RELB: variants seen among roughly 807,000 people sequenced by gnomAD.
RELB encodes transcription factor RelB.
Under a neutral mutation model 55.4 loss-of-function variants are expected in RELB, and 14 were observed. The observed-to-expected ratio is 0.25, with a 90% CI of 0.17 to 0.40. The LOEUF is 0.40. RELB is among the 10% of genes least tolerant of loss of function. The probability of loss-of-function intolerance (pLI) is 1.00; values close to 1 mark genes in which losing one functional copy is unlikely to be tolerated. For missense variants in RELB, 669 were observed against 830.7 expected, an observed-to-expected ratio of 0.81 and a Z score of 2.39; for synonymous variants, 409 against 371.3, an observed-to-expected ratio of 1.10 and a Z score of -1.17.
chr19:45,028,493 C>G (rs1008826092), intron 7 of RELB, among the ~76,000 whole-genome samples: 1 of 151,618 alleles, frequency 6.6e-6, no homozygotes, highest in African/African-American at 2.4e-5. Context: ...GGGACCACAC[C>G]CAGCTAATTT....
intron 7 of RELB, among the ~76,000 whole-genome samples, chr19:45,027,503 A>G (rs1971572972): frequency 6.6e-6 from 1 of 152,064 alleles, no homozygotes. Context: ...CTTACCTAAT[A>G]GCTTTGCTTA....
At chr19:45,031,019 G>A (rs562782658) in intron 8 of RELB, among the ~76,000 whole-genome samples, 4 of 152,094 alleles carry the variant, frequency 2.6e-5, no homozygotes, top group Non-Finnish European at 5.9e-5. Context: ...TCATAGAGTT[G>A]TTGTGTGACT....
At chr19:45,018,869 T>A (rs1971451701) in intron 4 of RELB, among the ~76,000 whole-genome samples, 1 of 151,612 alleles carries the variant, frequency 6.6e-6, no homozygotes, top group African/African-American at 2.4e-5. Flanking sequence ...AGAGACGGGG[T>A]TTCTCCATGT....
intron 5 of RELB, among the ~76,000 whole-genome samples, chr19:45,023,993 CCCGCCTCGGCCT>C (rs1971525982): frequency 1.2e-5 from 1 of 83,762 alleles, no homozygotes; most frequent in Non-Finnish European, 2.6e-5. Context: ...TTGTGACCCA[CCCGCCTCGGCCT>C]CCAATTTTTG....
chr19:45,028,773 A>G, intron 7 of RELB, 115 bp from the exon 8 acceptor site: 1 of 738,766 alleles, frequency 1.4e-6, no homozygotes, highest in Non-Finnish European at 2.3e-6. Flanking sequence ...TGCCTTTTCA[A>G]TTCCCTACGT....
At position 45,001,588 on chromosome 19, in the gene RELB, G is replaced by T; in HGVS notation, c.9G>T (p.Arg3=). 6.7e-7 allele frequency: 1 copy of T among 1,482,446 alleles called. No homozygotes were observed. The highest frequency in any genetic ancestry group is 8.9e-7 in the Non-Finnish European group (1 of 1,122,924). The allele number at this position is 1,482,446 out of a possible 1,614,324, so 91.8% of individuals were successfully genotyped here. A position where few individuals can be genotyped will look rare whatever the true frequency, so the allele number is the denominator to read the frequency against. Residue 3 remains arginine, a synonymous_variant, in exon 1 of 12, where the codon CGG becomes CGT. Transcript: ENST00000221452. ML[R]SGPASGPSVP... is the part of the protein sequence containing the mutation. ...CCGGCCGGCCCGCGTGCATGCTTCG[G>T]TCTGGGCCAGCCTCTGGGCCGTCCG...
chr19:45,031,055 A>G (rs1971615026), intron 8 of RELB, among the ~76,000 whole-genome samples: 1 of 152,150 alleles, frequency 6.6e-6, no homozygotes, highest in African/African-American at 2.4e-5. Flanking sequence ...TGTAACTGAC[A>G]CATATAAAGT....
intron 9 of RELB, among the ~76,000 whole-genome samples, chr19:45,033,393 C>T (rs1182483741): frequency 6.6e-6 from 1 of 152,042 alleles, no homozygotes; most frequent in African/African-American, 2.4e-5. Context: ...AACAAAGAGG[C>T]CAGTGTGTAG....
rs200125195 is a variant in RELB at position 45,028,937 on chromosome 19, C to T, written c.936C>T (p.Ser312=). The T allele has an allele frequency of 8.7e-5, 139 of 1,600,320 alleles. No individual in the cohort carries two copies. In the African/African-American group the frequency reaches 1.5e-3, roughly 17 times the overall value. Residue 312 remains serine, a synonymous_variant, in exon 8 of 12, where the codon AGC becomes AGT. Transcript: ENST00000221452. The part of the protein sequence containing the change: ...ELRICRINKE[S]GPCTGGEELY... Reference sequence around the variant, plus strand: ...GGATTTGCCGAATTAACAAGGAAAGCGGGCCGTGCACCGGTGGCGAGGAGC... The same window carrying T: ...GGATTTGCCGAATTAACAAGGAAAGTGGGCCGTGCACCGGTGGCGAGGAGC...
intron 2 of RELB, among the ~76,000 whole-genome samples, chr19:45,004,164 C>T (rs1383247685): frequency 3.3e-5 from 5 of 151,084 alleles, no homozygotes; most frequent in East Asian, 1.9e-4. Context: ...GTAATCCGCC[C>T]GCCTCAGCCT....
chr19:45,003,929 T>TTTG (rs2122382172), intron 2 of RELB, among the ~76,000 whole-genome samples: 1 of 129,344 alleles, frequency 7.7e-6, no homozygotes, highest in South Asian at 2.7e-4. Flanking sequence ...TTTTTTTTTT[T>TTTG]TTTTTTTTTT....
intron 2 of RELB, among the ~76,000 whole-genome samples, chr19:45,006,726 C>T (rs1378519961): frequency 2.0e-5 from 3 of 150,612 alleles, no homozygotes; most frequent in African/African-American, 7.3e-5. Context: ...TTTGGGAGGC[C>T]GAGGTGGGTG....
At position 45,038,008 on chromosome 19, in the gene RELB, C is replaced by G; in HGVS notation, c.*218C>G. On this transcript the variant is annotated 3_prime_UTR_variant, in exon 12 of 12. Transcript: ENST00000221452. ...TCCGGAGAGGAAAAGGGACATGGCT[C>G]CCGTGCACTAGCTTGTTACAGCTGC... 2.3e-6 allele frequency: 1 copy of G among 437,154 alleles called. No homozygotes were observed. The allele number at this position is 437,154 out of a possible 1,614,324, so 27.1% of individuals were successfully genotyped here. A position where few individuals can be genotyped will look rare whatever the true frequency, so the allele number is the denominator to read the frequency against.
rs1390383406 is a variant in RELB, at chr19:45,011,795, TGTGAGAGAGAGAGAGAGA to T, written c.164-139_164-122del. The T allele has an allele frequency of 2.3e-3, 457 of 199,800 alleles. 1 individual carries two copies. The highest frequency in any genetic ancestry group is 8.5e-3 in the Middle Eastern group (7 of 820). The allele number at this position is 199,800 out of a possible 1,614,324, so 12.4% of individuals were successfully genotyped here. Reference sequence around the variant, plus strand: ...GTGTGTGTGTGTGTGTGTGTGTGTGTGTGAGAGAGAGAGAGAGAGAGAGAGAGAGAGAGAGAGAGATAA... The same window carrying T: ...GTGTGTGTGTGTGTGTGTGTGTGTGTGAGAGAGAGAGAGAGAGAGAGATAA... On this transcript the variant is annotated intron_variant, in intron 3 of 11. Transcript: ENST00000221452.
intron 8 of RELB, among the ~76,000 whole-genome samples, chr19:45,031,778 A>G (rs1041887019): frequency 7.3e-5 from 11 of 150,202 alleles, no homozygotes; most frequent in South Asian, 4.3e-4. Context: ...GGGTTTCACC[A>G]TGTTAGCCGG....
At chr19:45,003,915 G>T (rs35709859) in intron 2 of RELB, among the ~76,000 whole-genome samples, 2,091 of 63,518 alleles carry the variant, frequency 0.033, 101 homozygotes, top group African/African-American at 0.11. Context: ...TGTTTTTTGT[G>T]TTTTTTTTTT....
chr19:45,037,255 C>T (rs941747139), intron 11 of RELB, 150 bp from the exon 12 acceptor site: 2 of 854,444 alleles, frequency 2.3e-6, no homozygotes, highest in East Asian at 2.9e-5. Context: ...GCACTCCAGC[C>T]AGGGTGACAG....
At chr19:45,003,264 G>T (rs1049231060) in intron 2 of RELB, among the ~76,000 whole-genome samples, 1 of 152,074 alleles carries the variant, frequency 6.6e-6, no homozygotes, top group African/African-American at 2.4e-5. Flanking sequence ...GAGGTCAGGA[G>T]ATCGAGACCA....
At chr19:45,028,197 T>G (rs34856574) in intron 7 of RELB, among the ~76,000 whole-genome samples, 1,824 of 152,094 alleles carry the variant, frequency 0.012, 14 homozygotes, top group South Asian at 0.032. Flanking sequence ...TTTTTTTTCT[T>G]TTTTGAGAGA....
Sources: gnomAD v4.1 joint callset for allele counts (sites outside exome capture counted in the v4.1 genomes callset) on GRCh38, gnomAD v4.1.1 for gene constraint, MANE v1.5 for transcripts, NCBI Gene and HGNC (gene_info 2026-07-23, HGNC 2026-07-21) for gene names.